SOX5: variants seen among roughly 807,000 people sequenced by gnomAD.
SOX5 encodes the protein SRY-box transcription factor 5, also known as transcription factor SOX-5.
In SOX5, 9 loss-of-function variants were observed where a neutral mutation model predicts 92.0. That is an observed-to-expected ratio of 0.10 (90% CI 0.06 to 0.17). The LOEUF (loss-of-function observed/expected upper bound fraction) is 0.17. Ranked by LOEUF, SOX5 falls within the 10% of genes least tolerant of loss-of-function variation. The pLI is 1.00. For synonymous variants in SOX5, 344 were observed against 336.3 expected (o/e 1.02, Z -0.25); for missense variants, 642 against 944.5 (o/e 0.68, Z 4.20).
intron 3 of SOX5, among the ~76,000 whole-genome samples, chr12:24,248,164 C>A (rs1939271191): frequency 6.6e-6 from 1 of 152,162 alleles, no homozygotes; most frequent in Non-Finnish European, 1.5e-5. Flanking sequence ...ACAGCAAGAA[C>A]AGGATTTTCT....
At chr12:24,083,194 C>A (rs1001755108) in intron 4 of SOX5, among the ~76,000 whole-genome samples, 6 of 151,916 alleles carry the variant, frequency 3.9e-5, no homozygotes, top group Admixed American at 1.3e-4. Context: ...ATTTTTATTT[C>A]TCCTCTTCAC....
intron 3 of SOX5, among the ~76,000 whole-genome samples, chr12:23,788,525 A>G (rs1238214290): frequency 1.3e-5 from 2 of 151,970 alleles, no homozygotes; most frequent in African/African-American, 4.8e-5. Flanking sequence ...AGGTAATGTC[A>G]AAGCACGGTT....
chr12:23,647,884 C>A (rs1289297232), intron 7 of SOX5, among the ~76,000 whole-genome samples: 1 of 152,182 alleles, frequency 6.6e-6, no homozygotes, highest in African/African-American at 2.4e-5. Context: ...AAGGCTGTTT[C>A]ACTTTCTTAT....
At chr12:23,535,426 G>A (rs912790012) in intron 14 of SOX5, among the ~76,000 whole-genome samples, 4 of 152,178 alleles carry the variant, frequency 2.6e-5, no homozygotes, top group Non-Finnish European at 4.4e-5. Flanking sequence ...TTGGTTTAAA[G>A]TTGTGCTGCC....
chr12:24,400,460 A>G (rs1470740918), intron 1 of SOX5, among the ~76,000 whole-genome samples: 2 of 152,256 alleles, frequency 1.3e-5, no homozygotes, highest in African/African-American at 4.8e-5. Flanking sequence ...GCTGAGCAAC[A>G]GCAATGTTAA....
intron 3 of SOX5, among the ~76,000 whole-genome samples, chr12:23,776,626 T>A (rs2095110750): frequency 6.6e-6 from 1 of 152,130 alleles, no homozygotes; most frequent in Admixed American, 6.6e-5. Context: ...CATTTTTTTT[T>A]AACAGGGGGA....
Position 24,165,525 on chromosome 12 carries a change from G to A in SOX5, c.-2+47818C>T, listed in dbSNP as rs117485853. 6.6e-4 allele frequency among the ~76,000 whole-genome samples: 101 copies of A among 152,174 alleles called. 1 individual carries two copies. In the East Asian group the frequency reaches 0.014, roughly 21 times the overall value. On this transcript the variant is annotated intron_variant, in intron 4 of 4. Transcript: ENST00000446891. ...CATTTTCACTGTTTTTATTCTAATG[G>A]ATCAAAATAACTATAAGTCAAAATG...
chr12:24,072,416 C>T (rs1941914969), intron 4 of SOX5, among the ~76,000 whole-genome samples: 1 of 152,102 alleles, frequency 6.6e-6, no homozygotes, highest in African/African-American at 2.4e-5. Flanking sequence ...ACAGATAACA[C>T]CTGCAATGAA....
intron 1 of SOX5, among the ~76,000 whole-genome samples, chr12:23,896,339 C>G (rs1452703486): frequency 2.0e-5 from 3 of 152,082 alleles, no homozygotes; most frequent in Non-Finnish European, 4.4e-5. Flanking sequence ...AAGAAAAATA[C>G]CCATCTAGTT....
intron 2 of SOX5, among the ~76,000 whole-genome samples, chr12:23,886,608 G>A (rs979806659): frequency 1.3e-5 from 2 of 151,440 alleles, no homozygotes; most frequent in African/African-American, 2.4e-5. Flanking sequence ...CTAATGCACT[G>A]GTATTATCAC....
chr12:24,367,068 G>A (rs1237355622), intron 2 of SOX5, among the ~76,000 whole-genome samples: 1 of 152,110 alleles, frequency 6.6e-6, no homozygotes, highest in Non-Finnish European at 1.5e-5. Flanking sequence ...TTTTGCTTAA[G>A]TATCTTTAGC....
rs142796929 is a variant in SOX5 at position 24,379,442 on chromosome 12, A to G, written c.-250-10803T>C. 3.0e-4 allele frequency among the ~76,000 whole-genome samples: 45 copies of G among 152,298 alleles called. 1 individual carries two copies. The highest frequency in any genetic ancestry group is 1.0e-3 in the African/African-American group (43 of 41,564). The stretch of plus-strand genomic sequence containing the variant: ...TGCACCCTCTATCCCCTAGCAATTG[A>G]GATTATATAATATGGCTGATTTGTC... On this transcript the variant is annotated intron_variant, in intron 1 of 4. Transcript: ENST00000446891.
chr12:24,002,751 G>A (rs1298816065), intron 4 of SOX5, among the ~76,000 whole-genome samples: 1 of 152,020 alleles, frequency 6.6e-6, no homozygotes, highest in African/African-American at 2.4e-5. Context: ...ATCATTTAGA[G>A]AGGAAACAGT....
intron 9 of SOX5, among the ~76,000 whole-genome samples, chr12:23,581,000 G>T (rs975399230): frequency 1.3e-5 from 2 of 151,976 alleles, no homozygotes; most frequent in African/African-American, 4.8e-5. Flanking sequence ...TCATTTAGTT[G>T]GTTTTCAAAT....
intron 6 of SOX5, among the ~76,000 whole-genome samples, chr12:23,727,221 T>C (rs2093181174): frequency 6.6e-6 from 1 of 152,146 alleles, no homozygotes. Flanking sequence ...AGTAATCAGC[T>C]TAGAGCAACA....
intron 2 of SOX5, among the ~76,000 whole-genome samples, chr12:23,891,450 C>T (rs1038299505): frequency 6.6e-6 from 1 of 152,116 alleles, no homozygotes; most frequent in African/African-American, 2.4e-5. Context: ...AGCATTTCTC[C>T]ATAACTTCAA....
chr12:23,587,601 A>T lies in SOX5; in HGVS notation c.1165-11763T>A, dbSNP rs576316547. Reference sequence around the variant, plus strand: ...TAATACTGGTCGAGACCCTCACAAAATTTTTATGACACTAAATCATAAAGT... The same window carrying T: ...TAATACTGGTCGAGACCCTCACAAATTTTTTATGACACTAAATCATAAAGT... On this transcript the variant is annotated intron_variant, in intron 9 of 14. Coordinates refer to ENST00000451604, the MANE Select transcript of SOX5 (RefSeq NM_006940.6). Among the ~76,000 whole-genome samples the T allele has an allele frequency of 2.0e-5, 3 of 152,216 alleles. No individual in the cohort carries two copies. In the South Asian group the frequency reaches 6.2e-4, roughly 32 times the overall value.
chr12:23,975,053 G>A lies in SOX5; in HGVS notation c.-1-79029C>T, dbSNP rs137933889. Reference sequence around the variant, plus strand: ...TTCACTGTATGTCTGCCTTGTTTTCGTTTTTTTCAGTTACAAAAATAATTT... The same window carrying A: ...TTCACTGTATGTCTGCCTTGTTTTCATTTTTTTCAGTTACAAAAATAATTT... On this transcript the variant is annotated intron_variant, in intron 4 of 4. Transcript: ENST00000446891. Among the ~76,000 whole-genome samples, 83 of 151,808 alleles carry A rather than the reference G, an allele frequency of 5.5e-4. No individual in the cohort carries two copies. The East Asian group carries it at 6.0e-3, about 11-fold the overall frequency.
chr12:24,051,429 A>G lies in SOX5; in HGVS notation c.-1-155405T>C, dbSNP rs550340129. 5.0e-4 allele frequency among the ~76,000 whole-genome samples: 76 copies of G among 152,300 alleles called. No homozygotes were observed. The South Asian group carries it at 0.015, about 31-fold the overall frequency. On this transcript the variant is annotated intron_variant, in intron 4 of 4. Transcript: ENST00000446891. ...ATATCAAGTGCACTTAAAAATAAGG[A>G]AAGAAAATCATAGCAAGTCAAATAT...
Sources: allele counts gnomAD v4.1 joint callset (sites outside exome capture counted in the v4.1 genomes callset), GRCh38; gene constraint gnomAD v4.1.1; transcripts MANE v1.5; gene names NCBI Gene and HGNC (gene_info 2026-07-23, HGNC 2026-07-21).